ATP8A2: variants seen among roughly 807,000 people sequenced by gnomAD.
ATP8A2 encodes phospholipid-transporting ATPase IB.
In ATP8A2, 100 loss-of-function variants were observed where a neutral mutation model predicts 165.6. That is an observed-to-expected ratio of 0.60 (90% confidence interval 0.51 to 0.71). ATP8A2 has a LOEUF of 0.71. Ranked by LOEUF, ATP8A2 falls within the 30% of genes least tolerant of loss-of-function variation. The pLI, the probability that ATP8A2 is intolerant of heterozygous loss-of-function variation, is 0.00. For synonymous variants in ATP8A2, 543 were observed against 548.8 expected (o/e 0.99, Z 0.15); for missense variants, 1,227 against 1,479.5 (o/e 0.83, Z 2.80).
chr13:25,437,874 C>A (rs1450730912), intron 1 of ATP8A2, among the ~76,000 whole-genome samples: 1 of 152,088 alleles, frequency 6.6e-6, no homozygotes, highest in Admixed American at 6.6e-5. Flanking sequence ...CTTTATAATA[C>A]CCAAAATGAT....
chr13:25,563,270 G>A lies in ATP8A2; in HGVS notation c.1398-686G>A, dbSNP rs115294181. ...ACTAAAAATACAAAATTAGCCAGGTGTGATGGTGGCCATCTGTAATCCCAG... is the reference window on the plus strand; with the variant it reads ...ACTAAAAATACAAAATTAGCCAGGTATGATGGTGGCCATCTGTAATCCCAG... On this transcript the variant is annotated intron_variant, in intron 15 of 36. Coordinates refer to ENST00000381655, the MANE Select transcript of ATP8A2 (RefSeq NM_016529.6). 4.8e-3 allele frequency among the ~76,000 whole-genome samples: 738 copies of A among 152,258 alleles called. 7 individuals carry two copies. Among genetic ancestry groups the A allele is most frequent in the African/African-American group, 0.017 (701 of 41,560 alleles).
intron 27 of ATP8A2, among the ~76,000 whole-genome samples, chr13:25,791,831 C>T (rs551195558): frequency 1.5e-4 from 23 of 152,240 alleles, no homozygotes; most frequent in African/African-American, 4.6e-4. Context: ...TTTTACTAGA[C>T]CCTTGTTTCC....
chr13:25,828,580 G>A (rs217880), intron 28 of ATP8A2, among the ~76,000 whole-genome samples: 151,350 of 152,356 alleles, frequency 0.99, 75,179 homozygotes, highest in East Asian at 1. Context: ...AGATACAAAT[G>A]TACAGTGTGT....
chr13:25,509,210 T>C (rs1251853286), intron 2 of ATP8A2, among the ~76,000 whole-genome samples: 1 of 152,242 alleles, frequency 6.6e-6, no homozygotes, highest in Non-Finnish European at 1.5e-5. Flanking sequence ...GTTTGAAATG[T>C]GTGGAGCCAG....
rs115204920 is a variant in ATP8A2, at chr13:25,710,876, A to G, written c.2384+11531A>G. On this transcript the variant is annotated intron_variant, in intron 25 of 36. Coordinates refer to ENST00000381655, the MANE Select transcript of ATP8A2 (RefSeq NM_016529.6). ...GCACTCAAGCTATCGTGATGTCCAG[A>G]CCCTCTGCAAACACTAACATCTACT... 4.3e-3 allele frequency among the ~76,000 whole-genome samples: 549 copies of G among 128,310 alleles called. 6 individuals carry two copies. The highest frequency in any genetic ancestry group is 0.015 in the African/African-American group (529 of 35,100). 84.2% of individuals were successfully genotyped at this position (128,310 alleles called of 152,430 possible). A position where few individuals can be genotyped will look rare whatever the true frequency, so the allele number is the denominator to read the frequency against.
intron 33 of ATP8A2, among the ~76,000 whole-genome samples, chr13:25,936,102 T>C (rs1197333597): frequency 6.6e-6 from 1 of 152,220 alleles, no homozygotes; most frequent in African/African-American, 2.4e-5. Context: ...ATAATCTGAA[T>C]TCCTGCTGTC....
chr13:25,836,606 C>T (rs887433303), intron 28 of ATP8A2, among the ~76,000 whole-genome samples: 10 of 152,180 alleles, frequency 6.6e-5, no homozygotes, highest in Non-Finnish European at 1.0e-4. Context: ...TGCCCTCCTC[C>T]ACTTCTGCAG....
At chr13:25,549,459 C>CA (rs371766419) in intron 10 of ATP8A2, among the ~76,000 whole-genome samples, 3,895 of 60,974 alleles carry the variant, frequency 0.064, 186 homozygotes, top group African/African-American at 0.17. Flanking sequence ...GACTCTGTCT[C>CA]AAAAAAAAAA....
intron 1 of ATP8A2, among the ~76,000 whole-genome samples, chr13:25,407,423 T>A (rs1448913523): frequency 1.3e-5 from 2 of 152,192 alleles, no homozygotes; most frequent in African/African-American, 4.8e-5. Flanking sequence ...CTCTTCCAAC[T>A]GTATGTATTT....
chr13:25,897,098 C>G (rs1027676425), intron 33 of ATP8A2, among the ~76,000 whole-genome samples: 6 of 152,156 alleles, frequency 3.9e-5, no homozygotes, highest in African/African-American at 1.4e-4. Flanking sequence ...GGTTATTTTG[C>G]TCGTTAGTTG....
intron 2 of ATP8A2, among the ~76,000 whole-genome samples, chr13:25,526,151 T>G (rs2037834320): frequency 6.6e-6 from 1 of 152,110 alleles, no homozygotes; most frequent in Non-Finnish European, 1.5e-5. Flanking sequence ...TTGTTTTTAT[T>G]ACTATTTCAA....
At chr13:25,776,322 C>T (rs2044741070) in intron 27 of ATP8A2, among the ~76,000 whole-genome samples, 1 of 152,184 alleles carries the variant, frequency 6.6e-6, no homozygotes, top group Non-Finnish European at 1.5e-5. Flanking sequence ...GAAACTGACC[C>T]ATTCTTCCTA....
intron 33 of ATP8A2, among the ~76,000 whole-genome samples, chr13:25,928,917 G>A (rs1210087924): frequency 2.6e-5 from 4 of 152,198 alleles, no homozygotes; most frequent in South Asian, 2.1e-4. Context: ...TGAACAGTTC[G>A]ACCCCTGAGC....
At chr13:25,853,297 AAGG>A (rs1952055305) in intron 30 of ATP8A2, among the ~76,000 whole-genome samples, 1 of 151,144 alleles carries the variant, frequency 6.6e-6, no homozygotes, top group South Asian at 2.1e-4. Context: ...GAGGCTGAGG[AAGG>A]AGAATTGCTT....
rs751056483 is a variant in ATP8A2 at position 25,429,371 on chromosome 13, T to TA, written c.77-39577dup. ...GGCCCATAACAGTGTGACTCCATCT[T>TA]AAAAAAAAAAAAAAAAAAAAAAAAA... On this transcript the variant is annotated intron_variant, in intron 1 of 36. Transcript: ENST00000381655. Among the ~76,000 whole-genome samples the TA allele has an allele frequency of 8.4e-3, 1,051 of 125,760 alleles. 9 individuals carry two copies. The highest frequency in any genetic ancestry group is 9.7e-3 in the African/African-American group (273 of 28,058). The allele number at this position is 125,760 out of a possible 152,430, so 82.5% of individuals were successfully genotyped here. A position where few individuals can be genotyped will look rare whatever the true frequency, so the allele number is the denominator to read the frequency against.
intron 1 of ATP8A2, among the ~76,000 whole-genome samples, chr13:25,387,199 C>T (rs968418769): frequency 3.3e-5 from 5 of 152,120 alleles, no homozygotes; most frequent in African/African-American, 4.8e-5. Flanking sequence ...TCCAGGGCAG[C>T]GGTGAGCAGC....
At chr13:25,681,514 G>T (rs577732672) in intron 24 of ATP8A2, among the ~76,000 whole-genome samples, 1 of 152,166 alleles carries the variant, frequency 6.6e-6, no homozygotes, top group Non-Finnish European at 1.5e-5. Context: ...TAGGGCATTG[G>T]TGCCTTTTGT....
intron 1 of ATP8A2, among the ~76,000 whole-genome samples, chr13:25,428,008 AC>A (rs2034499663): frequency 6.6e-6 from 1 of 151,924 alleles, no homozygotes; most frequent in Admixed American, 6.6e-5. Flanking sequence ...GCATGGCAAA[AC>A]CCCATCTCTA....
Position 25,965,835 on chromosome 13 carries a change from G to T in ATP8A2, c.3273-2740G>T, listed in dbSNP as rs543622645. Among the ~76,000 whole-genome samples the T allele has an allele frequency of 5.3e-5, 8 of 152,248 alleles. No individual in the cohort carries two copies. The South Asian group carries it at 1.7e-3, about 32-fold the overall frequency. On this transcript the variant is annotated intron_variant, in intron 34 of 36. Coordinates refer to ENST00000381655, the MANE Select transcript of ATP8A2 (RefSeq NM_016529.6). ...CATTTCCTTATTATAATCCCAGATA[G>T]GCAGTTAAATGGAAAGAAGAGGTAA...
Sources: gnomAD v4.1 joint callset for allele counts (sites outside exome capture counted in the v4.1 genomes callset) on GRCh38, gnomAD v4.1.1 for gene constraint, MANE v1.5 for transcripts, NCBI Gene and HGNC (gene_info 2026-07-23, HGNC 2026-07-21) for gene names.